Variants in ZFHX3 observed in about 807,000 individuals in gnomAD.
The protein encoded by ZFHX3 is zinc finger homeobox protein 3.
Under a neutral mutation model 279.1 loss-of-function variants are expected in ZFHX3, and 42 were observed. The observed-to-expected ratio is 0.15, with a 90% CI of 0.12 to 0.19. The LOEUF is 0.19. Ranked by LOEUF, ZFHX3 falls within the 10% of genes least tolerant of loss-of-function variation. ZFHX3 has a pLI of 1.00. For missense variants in ZFHX3, 4,981 were observed against 4,754.0 expected (o/e 1.05, Z -1.40); for synonymous variants, 2,293 against 1,957.8 (o/e 1.17, Z -4.52).
intron 3 of ZFHX3, among the ~76,000 whole-genome samples, chr16:73,425,353 G>A (rs1040442488): frequency 1.3e-5 from 2 of 152,106 alleles, no homozygotes; most frequent in Non-Finnish European, 2.9e-5. Context: ...ACATACATAG[G>A]TACCTTACAC....
At chr16:73,845,823 T>C (rs1961436056) in intron 1 of ZFHX3, among the ~76,000 whole-genome samples, 2 of 151,096 alleles carry the variant, frequency 1.3e-5, no homozygotes, top group Admixed American at 1.3e-4. Flanking sequence ...CTTTTTTCTC[T>C]TTTTTTTTAG....
At chr16:73,105,396 T>TATATATATATACACACACACAC (rs1567389819) in intron 7 of ZFHX3, among the ~76,000 whole-genome samples, 1 of 33,082 alleles carries the variant, frequency 3.0e-5, no homozygotes, top group Non-Finnish European at 7.5e-5. Context: ...CACACACACA[T>TATATATATATACACACACACAC]ATATATATAT....
chr16:73,784,814 T>TAC (rs1201836033), intron 1 of ZFHX3, among the ~76,000 whole-genome samples: 269 of 108,378 alleles, frequency 2.5e-3, no homozygotes, highest in Middle Eastern at 0.019. Context: ...TATATATATA[T>TAC]ATACACACAC....
At chr16:73,624,404 A>G (rs1230131263) in intron 2 of ZFHX3, among the ~76,000 whole-genome samples, 1 of 152,150 alleles carries the variant, frequency 6.6e-6, no homozygotes, top group African/African-American at 2.4e-5. Context: ...CTAAGGCAAT[A>G]AGGAGAGACG....
At chr16:73,663,104 G>T (rs376661171) in intron 2 of ZFHX3, among the ~76,000 whole-genome samples, 1 of 152,210 alleles carries the variant, frequency 6.6e-6, no homozygotes, top group Non-Finnish European at 1.5e-5. Flanking sequence ...TGGGTTGAGT[G>T]GGGGAGGAGT....
At chr16:73,002,775 T>C (rs975092741) in intron 1 of ZFHX3, among the ~76,000 whole-genome samples, 1 of 152,180 alleles carries the variant, frequency 6.6e-6, no homozygotes. Context: ...TTGAATAATC[T>C]CCAAAAAGCC....
intron 1 of ZFHX3, among the ~76,000 whole-genome samples, chr16:72,983,626 G>A (rs1962715247): frequency 6.6e-6 from 1 of 152,136 alleles, no homozygotes; most frequent in Non-Finnish European, 1.5e-5. Flanking sequence ...AGGATCGCTT[G>A]AGCCCAGGAG....
intron 3 of ZFHX3, among the ~76,000 whole-genome samples, chr16:73,385,480 C>T (rs916971652): frequency 2.0e-5 from 3 of 152,150 alleles, no homozygotes; most frequent in African/African-American, 7.2e-5. Flanking sequence ...CTGGCAGCTC[C>T]AATCTCTCCA....
chr16:73,793,080 T>C (rs911195379), intron 1 of ZFHX3, among the ~76,000 whole-genome samples: 5 of 152,222 alleles, frequency 3.3e-5, no homozygotes, highest in Admixed American at 3.3e-4. Context: ...TCAGCTTATA[T>C]GAAAATTAAG....
chr16:72,958,697 TTCTTCCTCCTCC>T lies in ZFHX3; in HGVS notation c.1437_1448del (p.Glu484_Glu487del), dbSNP rs754688925. The T allele has an allele frequency of 1.9e-6, 3 of 1,611,284 alleles. No homozygotes were observed. The highest frequency in any genetic ancestry group is 2.5e-6 in the Non-Finnish European group (3 of 1,178,494). On this transcript the variant is annotated inframe_deletion, in exon 2 of 10. Coordinates refer to ENST00000268489, the MANE Select transcript of ZFHX3 (RefSeq NM_006885.4). ...TGCAACCCTCGTCTTCCTCCTCCTCTTCTTCCTCCTCCTCTTCTTCCTCCTCCTCCTCCGCCT... is the reference window on the plus strand; with the variant it reads ...TGCAACCCTCGTCTTCCTCCTCCTCTTCTTCTTCCTCCTCCTCCTCCGCCT...
At chr16:72,917,841 T>A (rs1049701534) in intron 3 of ZFHX3, among the ~76,000 whole-genome samples, 10 of 152,162 alleles carry the variant, frequency 6.6e-5, no homozygotes, top group African/African-American at 2.4e-4. Context: ...AACTCAAAAT[T>A]AATAAAAATA....
At chr16:72,990,021 G>C (rs563821927) in intron 1 of ZFHX3, among the ~76,000 whole-genome samples, 3 of 152,246 alleles carry the variant, frequency 2.0e-5, no homozygotes, top group South Asian at 2.1e-4. Context: ...GCCCTCTCTA[G>C]ACCAACTTTC....
At chr16:73,095,096 T>C (rs1181801288) in intron 7 of ZFHX3, among the ~76,000 whole-genome samples, 6 of 152,086 alleles carry the variant, frequency 3.9e-5, no homozygotes, top group Non-Finnish European at 5.9e-5. Flanking sequence ...TTTTTACTTT[T>C]TATTTTAAAT....
chr16:73,478,454 G>A (rs1162839184), intron 2 of ZFHX3, among the ~76,000 whole-genome samples: 15 of 151,950 alleles, frequency 9.9e-5, no homozygotes, highest in Non-Finnish European at 1.9e-4. Flanking sequence ...AATAATAAAG[G>A]TATAATCTGT....
chr16:73,672,430 T>C (rs187688061), intron 2 of ZFHX3, among the ~76,000 whole-genome samples: 1 of 152,308 alleles, frequency 6.6e-6, no homozygotes, highest in African/African-American at 2.4e-5. Context: ...TACAACAGCA[T>C]TTCCTATATT....
intron 1 of ZFHX3, among the ~76,000 whole-genome samples, chr16:72,989,359 G>A (rs932894798): frequency 3.3e-5 from 5 of 151,780 alleles, no homozygotes; most frequent in African/African-American, 1.2e-4. Flanking sequence ...CTGCATGACA[G>A]TAATCCAAGA....
At chr16:73,769,102 C>A (rs1233813593) in intron 1 of ZFHX3, among the ~76,000 whole-genome samples, 1 of 152,140 alleles carries the variant, frequency 6.6e-6, no homozygotes, top group Non-Finnish European at 1.5e-5. Context: ...CTTGCTGAAT[C>A]TGGCAAGCCT....
Position 72,800,071 on chromosome 16 carries a change from T to G in ZFHX3, c.3923A>C (p.Asp1308Ala), listed in dbSNP as rs766325595. 2.5e-6 allele frequency: 4 copies of G among 1,614,184 alleles called. No individual in the cohort carries two copies. The highest frequency in any genetic ancestry group is 3.4e-6 in the Non-Finnish European group (4 of 1,180,040). ...TTCCAAATTGGAATTCCCATCTCGA[T>G]CTGGAACAGCTGCTGGGAGGAACAT... ...SSMFLPAAVP[D>A]RDGNSNLEEA... Residue 1308 changes from aspartate to alanine, a missense_variant, in exon 8 of 10, where the codon GAT becomes GCT. Physicochemically the swap from Asp to Ala is moderately radical, Grantham distance 126. Transcript: ENST00000268489.
intron 1 of ZFHX3, among the ~76,000 whole-genome samples, chr16:73,884,413 C>G (rs74511524): frequency 6.6e-6 from 1 of 152,144 alleles, no homozygotes; most frequent in Non-Finnish European, 1.5e-5. Flanking sequence ...ATCTTTAAGA[C>G]AACATATCAA....
Sources: gnomAD v4.1 joint callset for allele counts (sites outside exome capture counted in the v4.1 genomes callset) on GRCh38, gnomAD v4.1.1 for gene constraint, MANE v1.5 for transcripts, NCBI Gene and HGNC (gene_info 2026-07-23, HGNC 2026-07-21) for gene names.